RNF150: variants seen among roughly 807,000 people sequenced by gnomAD.
RNF150 encodes ring finger protein 150.
A neutral mutation model predicts 39.3 loss-of-function variants in RNF150; 24 were observed. The observed-to-expected ratio is 0.61, with a 90% CI of 0.44 to 0.86. The LOEUF (loss-of-function observed/expected upper bound fraction) is 0.86, where lower values mean the gene tolerates loss of function less well. Among genes scored for constraint, RNF150 ranks in the 40% least tolerant of loss-of-function variants. The probability of loss-of-function intolerance (pLI) is 0.00; values close to 1 mark genes in which losing one functional copy is unlikely to be tolerated. For missense variants in RNF150, 502 were observed against 587.8 expected, an observed-to-expected ratio of 0.85 and a Z score of 1.51; for synonymous variants, 255 against 227.3, an observed-to-expected ratio of 1.12 and a Z score of -1.10.
At chr4:140,910,984 G>T in intron 6 of RNF150, 160 bp downstream of exon 6, 1 of 648,868 alleles carries the variant, frequency 1.5e-6, no homozygotes. Context: ...GCTGGCTCTA[G>T]GAAAGGCAGT....
intron 1 of RNF150, among the ~76,000 whole-genome samples, chr4:141,061,791 T>C (rs1393137005): frequency 6.6e-6 from 1 of 152,182 alleles, no homozygotes; most frequent in Non-Finnish European, 1.5e-5. Context: ...ATATCCTCTC[T>C]GACTTTGAGT....
At position 140,884,106 on chromosome 4, in the gene RNF150, C is replaced by T. The variant is rs189775813; in HGVS notation, c.1199-15727G>A. 4.8e-3 allele frequency among the ~76,000 whole-genome samples: 728 copies of T among 152,128 alleles called. 6 individuals are homozygous for T. The highest frequency in any genetic ancestry group is 0.017 in the African/African-American group (687 of 41,518). On this transcript the variant is annotated intron_variant, in intron 6 of 6. Transcript: ENST00000515673. ...AAATTTTCAATTCAGTTACTGTAGT[C>T]TTCAACTCTTGAATTTCTGTTTGTT...
At chr4:141,140,237 C>G (rs1297604714) in intron 1 of RNF150, among the ~76,000 whole-genome samples, 1 of 152,188 alleles carries the variant, frequency 6.6e-6, no homozygotes, top group East Asian at 1.9e-4. Flanking sequence ...TCTTAAATTT[C>G]AGAACAATAG....
chr4:141,024,286 T>C (rs1735608091), intron 1 of RNF150, among the ~76,000 whole-genome samples: 1 of 152,190 alleles, frequency 6.6e-6, no homozygotes, highest in East Asian at 1.9e-4. Context: ...TAAGGGTGAC[T>C]GTCTTAGCTT....
chr4:141,134,559 G>A (rs1238936702), upstream of RNF150, among the ~76,000 whole-genome samples: 1 of 152,040 alleles, frequency 6.6e-6, no homozygotes, highest in Middle Eastern at 3.2e-3. Context: ...CTCTTTTTCC[G>A]GCAGCAGTAC....
chr4:140,951,161 T>C (rs1186414120), intron 2 of RNF150, among the ~76,000 whole-genome samples: 3 of 152,196 alleles, frequency 2.0e-5, no homozygotes, highest in East Asian at 1.9e-4. Flanking sequence ...TAGACCCTGA[T>C]AGCACTTTGT....
intron 1 of RNF150, among the ~76,000 whole-genome samples, chr4:141,142,180 G>C (rs988944461): frequency 1.3e-5 from 2 of 152,016 alleles, no homozygotes; most frequent in Non-Finnish European, 2.9e-5. Context: ...TTTAGAAAAG[G>C]AAGCCTTTAG....
intron 1 of RNF150, among the ~76,000 whole-genome samples, chr4:141,107,395 G>A (rs1024843946): frequency 7.2e-5 from 11 of 152,024 alleles, no homozygotes; most frequent in Admixed American, 5.9e-4. Context: ...TTACATACAC[G>A]GAAACAGAAG....
intron 6 of RNF150, among the ~76,000 whole-genome samples, chr4:140,898,914 C>CTTAA (rs1730061222): frequency 6.6e-6 from 1 of 152,116 alleles, no homozygotes; most frequent in South Asian, 2.1e-4. Flanking sequence ...AGGCATAAGT[C>CTTAA]TTAATTTATA....
intron 1 of RNF150, 78 bp from the exon 2 acceptor site, chr4:140,967,951 C>T: frequency 6.9e-6 from 9 of 1,310,046 alleles, no homozygotes; most frequent in Non-Finnish European, 9.7e-6. Flanking sequence ...TGTGTGGACA[C>T]AGTAACACGA....
chr4:140,934,428 A>T (rs1375921615), intron 4 of RNF150, among the ~76,000 whole-genome samples: 2 of 152,164 alleles, frequency 1.3e-5, no homozygotes. Context: ...GCAAGCAAAT[A>T]TGATAGCAGT....
At chr4:140,878,321 C>T (rs749870089) in intron 6 of RNF150, among the ~76,000 whole-genome samples, 1 of 151,754 alleles carries the variant, frequency 6.6e-6, no homozygotes, top group South Asian at 2.1e-4. Flanking sequence ...CAGGTATGCA[C>T]CACCATGCCC....
intron 1 of RNF150, among the ~76,000 whole-genome samples, chr4:140,980,439 A>C (rs570774168): frequency 1.3e-5 from 2 of 152,152 alleles, no homozygotes; most frequent in Non-Finnish European, 2.9e-5. Flanking sequence ...CTAGATATTT[A>C]TGATACACTA....
intron 1 of RNF150, among the ~76,000 whole-genome samples, chr4:141,019,917 G>A (rs1735424117): frequency 6.6e-6 from 1 of 152,090 alleles, no homozygotes; most frequent in African/African-American, 2.4e-5. Flanking sequence ...TACACTCCTT[G>A]AATCCTTCAT....
intron 4 of RNF150, among the ~76,000 whole-genome samples, chr4:140,940,848 A>G (rs957269552): frequency 6.6e-6 from 1 of 152,210 alleles, no homozygotes; most frequent in Non-Finnish European, 1.5e-5. Flanking sequence ...CATTCTGCCT[A>G]TGGGATAGCC....
intron 1 of RNF150, among the ~76,000 whole-genome samples, chr4:141,003,566 T>TACAC (rs70946725): frequency 0.031 from 4,462 of 142,476 alleles, 77 homozygotes; most frequent in East Asian, 0.074. Context: ...CCCTAGCACG[T>TACAC]ACACACACAC....
intron 1 of RNF150, among the ~76,000 whole-genome samples, chr4:141,201,564 T>G (rs1294751274): frequency 1.3e-5 from 2 of 152,122 alleles, no homozygotes; most frequent in Non-Finnish European, 2.9e-5. Flanking sequence ...TTTCTCATTT[T>G]TCTCTCTGGA....
At chr4:141,027,913 T>G (rs958985605) in intron 1 of RNF150, among the ~76,000 whole-genome samples, 5 of 45,284 alleles carry the variant, frequency 1.1e-4, no homozygotes, top group African/African-American at 7.5e-5. Context: ...TTGGAATTTG[T>G]TTTTTTTTTT....
At chr4:140,908,152 A>G (rs1730463500) in intron 6 of RNF150, among the ~76,000 whole-genome samples, 1 of 152,244 alleles carries the variant, frequency 6.6e-6, no homozygotes. Flanking sequence ...AATAATGTTG[A>G]TGAAAACTTG....
Sources: allele counts gnomAD v4.1 joint callset (sites outside exome capture counted in the v4.1 genomes callset), GRCh38; gene constraint gnomAD v4.1.1; transcripts MANE v1.5; gene names NCBI Gene and HGNC (gene_info 2026-07-23, HGNC 2026-07-21).